ADGRG7: variants seen among roughly 807,000 people sequenced by gnomAD.
ADGRG7 encodes the protein G-protein coupled receptor 128.
Under a neutral mutation model 88.6 loss-of-function variants are expected in ADGRG7, and 82 were observed. The observed-to-expected ratio is 0.93, with a 90% CI of 0.77 to 1.11. The LOEUF (loss-of-function observed/expected upper bound fraction) is 1.11, where lower values mean the gene tolerates loss of function less well. ADGRG7 is among the 50% of genes most tolerant of loss of function. The pLI is 0.00. For synonymous variants in ADGRG7, 381 were observed against 345.2 expected (o/e 1.10, Z -1.15); for missense variants, 945 against 953.4 (o/e 0.99, Z 0.12).
At chr3:100,613,345 T>C (rs1330469451) in intron 1 of ADGRG7, among the ~76,000 whole-genome samples, 2 of 152,252 alleles carry the variant, frequency 1.3e-5, no homozygotes, top group Admixed American at 1.3e-4. Flanking sequence ...CTAACTCATG[T>C]GACTGTTCCT....
chr3:100,640,299 T>C (rs933461761), intron 6 of ADGRG7, among the ~76,000 whole-genome samples: 3 of 152,242 alleles, frequency 2.0e-5, no homozygotes, highest in African/African-American at 7.2e-5. Context: ...TCACTTTGAC[T>C]TCTTCCTTCT....
intron 15 of ADGRG7, among the ~76,000 whole-genome samples, chr3:100,689,449 G>C (rs572122989): frequency 6.6e-6 from 1 of 152,174 alleles, no homozygotes; most frequent in Non-Finnish European, 1.5e-5. Flanking sequence ...CTCGTTAGTT[G>C]ATGCAGTTTC....
In ADGRG7 at chr3:100,654,931, CA is replaced by C. The variant is rs1559681420; in HGVS notation, c.1478del (p.Asn493IlefsTer46). Reference protein sequence around the residue: ...LLFVFGIENSNKNLQTSDGDI... With the variant: ...LLFVFGIENSXKNLQTSDGDI... The stretch of plus-strand genomic sequence containing the variant: ...TCTTTGTGTTTGGAATTGAAAACTC[CA>C]ATAAGAACTTGCAGACAAGTGATGG... On this transcript the variant is annotated frameshift_variant, in exon 12 of 16. Coordinates refer to ENST00000273352, the MANE Select transcript of ADGRG7 (RefSeq NM_032787.3). LOFTEE classifies it high-confidence loss of function. The C allele has an allele frequency of 1.9e-6, 3 of 1,613,676 alleles. No homozygotes were observed. Among genetic ancestry groups the C allele is most frequent in the Non-Finnish European group, 2.5e-6 (3 of 1,179,866 alleles).
Position 100,609,795 on chromosome 3 carries a change from C to A in ADGRG7, c.-62C>A. On this transcript the variant is annotated 5_prime_UTR_variant, in exon 1 of 16. Transcript: ENST00000273352. ...AATAGTTTCCGATTAAACTTTTTAG[C>A]TCAAGAAGAAAAGAAGCTAGTTATT... is the stretch of plus-strand genomic sequence containing the variant. The A allele has an allele frequency of 7.8e-7, 1 of 1,277,646 alleles. No homozygotes were observed. The highest frequency in any genetic ancestry group is 1.1e-6 in the Non-Finnish European group (1 of 879,062). The allele number at this position is 1,277,646 out of a possible 1,614,324, so 79.1% of individuals were successfully genotyped here.
At chr3:100,624,728 G>T (rs558229799) in intron 1 of ADGRG7, among the ~76,000 whole-genome samples, 2 of 152,060 alleles carry the variant, frequency 1.3e-5, no homozygotes, top group Non-Finnish European at 2.9e-5. Flanking sequence ...AGTCAGGAAG[G>T]GGTCCAGTTT....
chr3:100,643,236 GA>G, intron 6 of ADGRG7, 29 bp from the exon 7 acceptor site: 1 of 1,594,920 alleles, frequency 6.3e-7, no homozygotes, highest in South Asian at 1.1e-5. Context: ...ACAAAATCTT[GA>G]GTATTAAATT....
At chr3:100,669,128 A>G in intron 15 of ADGRG7, 23 bp downstream of exon 15, 1 of 1,488,354 alleles carries the variant, frequency 6.7e-7, no homozygotes, top group Non-Finnish European at 9.0e-7. Context: ...TTAGTCTGAA[A>G]GTAGCAGAAC....
At chr3:100,632,751 C>G (rs1467654195) in intron 3 of ADGRG7, among the ~76,000 whole-genome samples, 1 of 152,092 alleles carries the variant, frequency 6.6e-6, no homozygotes, top group East Asian at 1.9e-4. Context: ...TCTATAGCAA[C>G]TACTTAAGTA....
At chr3:100,688,866 G>A (rs1158624101) in intron 15 of ADGRG7, among the ~76,000 whole-genome samples, 4 of 152,178 alleles carry the variant, frequency 2.6e-5, no homozygotes, top group Non-Finnish European at 2.9e-5. Flanking sequence ...GATTTGGGGT[G>A]GAGAGTTCTG....
At chr3:100,638,296 G>A (rs1438789188) in intron 6 of ADGRG7, among the ~76,000 whole-genome samples, 3 of 152,158 alleles carry the variant, frequency 2.0e-5, no homozygotes, top group Non-Finnish European at 2.9e-5. Flanking sequence ...AAGTGATGAG[G>A]GAAGCTCTCA....
chr3:100,649,891 T>G, intron 11 of ADGRG7, 84 bp downstream of exon 11: 1 of 729,086 alleles, frequency 1.4e-6, no homozygotes, highest in Non-Finnish European at 2.3e-6. Flanking sequence ...AGTAGTGTCT[T>G]TGAACTAGGC....
chr3:100,647,289 G>T (rs549667110), intron 10 of ADGRG7, among the ~76,000 whole-genome samples: 1 of 152,190 alleles, frequency 6.6e-6, no homozygotes, highest in African/African-American at 2.4e-5. Context: ...GTCCATGTGC[G>T]AAAGAAAAGC....
intron 6 of ADGRG7, among the ~76,000 whole-genome samples, chr3:100,639,454 T>C (rs1212799650): frequency 1.3e-5 from 2 of 151,764 alleles, no homozygotes; most frequent in Non-Finnish European, 2.9e-5. Flanking sequence ...TTCTGAGAGG[T>C]GGTTGTAGAG....
At chr3:100,628,944 G>T (rs1197877741) in intron 1 of ADGRG7, among the ~76,000 whole-genome samples, 3 of 151,920 alleles carry the variant, frequency 2.0e-5, no homozygotes, top group Admixed American at 1.3e-4. Flanking sequence ...CCCCTCTAAG[G>T]TTCCTTCAAG....
chr3:100,676,728 G>T (rs533868121), intron 15 of ADGRG7, among the ~76,000 whole-genome samples: 1 of 151,860 alleles, frequency 6.6e-6, no homozygotes, highest in Non-Finnish European at 1.5e-5. Flanking sequence ...TCGTATTAGG[G>T]TATATATCTC....
intron 15 of ADGRG7, among the ~76,000 whole-genome samples, chr3:100,669,450 CT>C (rs1276131978): frequency 7.0e-6 from 1 of 143,508 alleles, no homozygotes; most frequent in Non-Finnish European, 1.5e-5. Flanking sequence ...ACGAGAATGG[CT>C]TGAACCCGGG....
chr3:100,685,125 A>G (rs1328331334), intron 15 of ADGRG7, among the ~76,000 whole-genome samples: 1 of 152,142 alleles, frequency 6.6e-6, no homozygotes, highest in Non-Finnish European at 1.5e-5. Flanking sequence ...CTTTAAGGAA[A>G]CTCTCATCAA....
chr3:100,658,492 A>G (rs555210143), intron 13 of ADGRG7, among the ~76,000 whole-genome samples: 2 of 152,260 alleles, frequency 1.3e-5, no homozygotes, highest in East Asian at 1.9e-4. Context: ...CAAAGCTCCT[A>G]CATAATTTGT....
At chr3:100,659,235 A>T (rs1430636819) in intron 13 of ADGRG7, among the ~76,000 whole-genome samples, 2 of 151,856 alleles carry the variant, frequency 1.3e-5, no homozygotes, top group Admixed American at 1.3e-4. Flanking sequence ...GATCGAGACC[A>T]TCCTGGCTAA....
Sources: gnomAD v4.1 joint callset for allele counts (sites outside exome capture counted in the v4.1 genomes callset) on GRCh38, gnomAD v4.1.1 for gene constraint, MANE v1.5 for transcripts, NCBI Gene and HGNC (gene_info 2026-07-23, HGNC 2026-07-21) for gene names.